Variants in DOCK3 observed in about 807,000 individuals in gnomAD.
The protein encoded by DOCK3 is dedicator of cytokinesis protein 3.
In DOCK3, 60 loss-of-function variants were observed where a neutral mutation model predicts 265.6. That is an observed-to-expected ratio of 0.23 (90% confidence interval 0.18 to 0.28). The LOEUF is 0.28. Among genes scored for constraint, DOCK3 ranks in the 10% least tolerant of loss-of-function variants. The pLI, the probability that DOCK3 is intolerant of heterozygous loss-of-function variation, is 1.00. For synonymous variants in DOCK3, 881 were observed against 938.0 expected (o/e 0.94, Z 1.11); for missense variants, 1,981 against 2,594.3 (o/e 0.76, Z 5.14).
At chr3:51,307,874 T>C (rs1378180430) in intron 27 of DOCK3, among the ~76,000 whole-genome samples, 2 of 128,382 alleles carry the variant, frequency 1.6e-5, no homozygotes, top group Non-Finnish European at 3.3e-5. Context: ...TGTTAAATTA[T>C]ATGGGTTTTT....
chr3:50,747,438 A>G (rs1377422979), intron 1 of DOCK3, among the ~76,000 whole-genome samples: 1 of 152,230 alleles, frequency 6.6e-6, no homozygotes, highest in Non-Finnish European at 1.5e-5. Flanking sequence ...ACCAAGGTAC[A>G]AGGCATATCC....
intron 5 of DOCK3, among the ~76,000 whole-genome samples, chr3:51,053,093 A>ATATATATG (rs2081061008): frequency 1.3e-5 from 1 of 78,710 alleles, no homozygotes; most frequent in Non-Finnish European, 2.7e-5. Context: ...ATATATATAT[A>ATATATATG]TATATATATA....
chr3:50,885,270 A>G lies in DOCK3; in HGVS notation c.163-4756A>G, dbSNP rs566862426. ...TCATATTTCATTGTATGGATGTGCT[A>G]CAGTTTGCTTATCCATTCACCTGTT... On this transcript the variant is annotated intron_variant, in intron 3 of 52. Coordinates refer to ENST00000266037, the MANE Select transcript of DOCK3 (RefSeq NM_004947.5). 5.9e-5 allele frequency among the ~76,000 whole-genome samples: 9 copies of G among 151,860 alleles called. No individual in the cohort carries two copies. The South Asian group carries it at 1.5e-3, about 25-fold the overall frequency.
intron 12 of DOCK3, among the ~76,000 whole-genome samples, chr3:51,174,135 G>C (rs909515157): frequency 4.6e-5 from 7 of 151,878 alleles, no homozygotes; most frequent in Non-Finnish European, 7.4e-5. Context: ...TATCTTTTTA[G>C]TTCCTTTGAT....
At chr3:51,122,362 C>G (rs982885497) in intron 9 of DOCK3, among the ~76,000 whole-genome samples, 1 of 152,052 alleles carries the variant, frequency 6.6e-6, no homozygotes, top group South Asian at 2.1e-4. Flanking sequence ...CACCTGTAGT[C>G]CTAGGTACTT....
intron 4 of DOCK3, among the ~76,000 whole-genome samples, chr3:50,898,353 T>C (rs1180906393): frequency 6.6e-6 from 1 of 152,198 alleles, no homozygotes; most frequent in Non-Finnish European, 1.5e-5. Flanking sequence ...ATTGGGTCTA[T>C]TGGATTCTTC....
At chr3:50,758,288 C>A (rs2040315552) in intron 1 of DOCK3, among the ~76,000 whole-genome samples, 1 of 147,924 alleles carries the variant, frequency 6.8e-6, no homozygotes, top group African/African-American at 2.5e-5. Flanking sequence ...ATAATTCTAT[C>A]CTTATGCCAC....
At chr3:50,922,459 T>C (rs2050534967) in intron 4 of DOCK3, among the ~76,000 whole-genome samples, 2 of 152,222 alleles carry the variant, frequency 1.3e-5, no homozygotes, top group Non-Finnish European at 1.5e-5. Context: ...CTGTCATGGC[T>C]TCCCTTGGCC....
At chr3:51,363,536 G>A (rs2086892736) in intron 49 of DOCK3, among the ~76,000 whole-genome samples, 1 of 152,088 alleles carries the variant, frequency 6.6e-6, no homozygotes, top group African/African-American at 2.4e-5. Context: ...TGTGCACAAC[G>A]TGCAGGTTTG....
At chr3:51,271,804 T>G (rs978942928) in intron 24 of DOCK3, among the ~76,000 whole-genome samples, 9 of 139,052 alleles carry the variant, frequency 6.5e-5, no homozygotes, top group African/African-American at 2.5e-4. Flanking sequence ...TAAGCCAAGA[T>G]CACGCCATTG....
chr3:51,260,875 T>G (rs1468434676), intron 23 of DOCK3, among the ~76,000 whole-genome samples: 1 of 151,710 alleles, frequency 6.6e-6, no homozygotes, highest in Non-Finnish European at 1.5e-5. Context: ...TCCCAGCTAC[T>G]CAGGAGGCTG....
chr3:50,854,156 G>A (rs1291596109), intron 3 of DOCK3, among the ~76,000 whole-genome samples: 1 of 151,850 alleles, frequency 6.6e-6, no homozygotes, highest in South Asian at 2.1e-4. Context: ...TTTTAATGGG[G>A]ATATTTGTAA....
intron 3 of DOCK3, among the ~76,000 whole-genome samples, chr3:50,851,295 C>T (rs1203877208): frequency 6.6e-6 from 1 of 152,116 alleles, no homozygotes; most frequent in Non-Finnish European, 1.5e-5. Context: ...ACTCAGGCTG[C>T]CAAACCAGGC....
chr3:51,052,936 T>G (rs2109132761), intron 5 of DOCK3, among the ~76,000 whole-genome samples: 1 of 151,852 alleles, frequency 6.6e-6, no homozygotes, highest in South Asian at 2.1e-4. Flanking sequence ...GCTGGTTCTA[T>G]TTATTTAAAG....
rs543455593 is a variant in DOCK3 at position 51,210,752 on chromosome 3, T to C, written c.1126+1890T>C. ...ATTAGTTTACTTTGCTATAAACTTT[T>C]ACCCATCTTTGTTAGATATTGTGGA... On this transcript the variant is annotated intron_variant, in intron 13 of 52. Coordinates refer to ENST00000266037, the MANE Select transcript of DOCK3 (RefSeq NM_004947.5). Among the ~76,000 whole-genome samples, 9 of 152,374 alleles carry C rather than the reference T, an allele frequency of 5.9e-5. No homozygotes were observed. The South Asian group carries it at 1.9e-3, about 32-fold the overall frequency.
At position 51,354,996 on chromosome 3, in the gene DOCK3, G is replaced by A. The variant is rs2086266103; in HGVS notation, c.4222G>A (p.Asp1408Asn). 5 of 1,613,892 alleles carry A rather than the reference G, an allele frequency of 3.1e-6. No individual in the cohort carries two copies. Among genetic ancestry groups the A allele is most frequent in the Non-Finnish European group, 3.4e-6 (4 of 1,179,852 alleles). ...CATGCAGCACCCCAACCATCCTGAT[G>A]ACGCCATCCTACAGTGCGATGCCCA... ...VAMQHPNHPD[D>N]AILQCDAQYL... Residue 1408 changes from aspartate (D) to asparagine (N), a missense_variant, in exon 41 of 53, where the codon GAC (aspartate) becomes AAC (asparagine). Coordinates refer to ENST00000266037, the MANE Select transcript of DOCK3 (RefSeq NM_004947.5).
chr3:50,750,064 C>T (rs2039691753), intron 1 of DOCK3, among the ~76,000 whole-genome samples: 1 of 152,170 alleles, frequency 6.6e-6, no homozygotes. Flanking sequence ...GCTCCGCCTC[C>T]TGTCAGATCA....
chr3:51,203,711 A>G (rs1576401604), intron 12 of DOCK3, among the ~76,000 whole-genome samples: 1 of 152,236 alleles, frequency 6.6e-6, no homozygotes, highest in African/African-American at 2.4e-5. Context: ...TGCCAAGTCA[A>G]TCCTAAGCCA....
At chr3:51,159,186 G>A in intron 10 of DOCK3, 58 bp from the exon 11 acceptor site, 1 of 1,549,450 alleles carries the variant, frequency 6.5e-7, no homozygotes, top group Non-Finnish European at 8.9e-7. Context: ...GATTCAAAAT[G>A]AATTTTTAAT....
Sources: gnomAD v4.1 joint callset for allele counts (sites outside exome capture counted in the v4.1 genomes callset) on GRCh38, gnomAD v4.1.1 for gene constraint, MANE v1.5 for transcripts, NCBI Gene and HGNC (gene_info 2026-07-23, HGNC 2026-07-21) for gene names.